ANXA10: variants seen among roughly 807,000 people sequenced by gnomAD.
The protein encoded by ANXA10 is annexin A10, also known as annexin 14.
In ANXA10, 49 loss-of-function variants were observed where a neutral mutation model predicts 53.5. The observed-to-expected ratio is 0.92, with a 90% CI of 0.73 to 1.16. The LOEUF (loss-of-function observed/expected upper bound fraction) is 1.16. ANXA10 is among the 50% of genes most tolerant of loss of function. The pLI is 0.00. For synonymous variants in ANXA10, 131 were observed against 128.9 expected, an observed-to-expected ratio of 1.02 and a Z score of -0.11; for missense variants, 393 against 394.4, an observed-to-expected ratio of 1.00 and a Z score of 0.03.
In ANXA10 at chr4:168,108,248, G is replaced by C. The variant is rs532175718; in HGVS notation, c.18+15530G>C. On this transcript the variant is annotated intron_variant, in intron 1 of 11. Coordinates refer to ENST00000359299, the MANE Select transcript of ANXA10 (RefSeq NM_007193.5). ...CCCCTTGTATTAGCAAGGTCTTTATGACCTATATCTTGTGCTGACCTCCTA... is the reference window on the plus strand; with the variant it reads ...CCCCTTGTATTAGCAAGGTCTTTATCACCTATATCTTGTGCTGACCTCCTA... Among the ~76,000 whole-genome samples the C allele has an allele frequency of 2.6e-5, 4 of 152,172 alleles. No homozygotes were observed. In the East Asian group the frequency reaches 7.8e-4, roughly 30 times the overall value.
At chr4:168,094,047 T>C (rs1294879303) in intron 1 of ANXA10, among the ~76,000 whole-genome samples, 1 of 152,168 alleles carries the variant, frequency 6.6e-6, no homozygotes, top group Non-Finnish European at 1.5e-5. Flanking sequence ...TTGTTTTCTC[T>C]CTCTGTTCAT....
intron 1 of ANXA10, among the ~76,000 whole-genome samples, chr4:168,107,098 T>C (rs1730731514): frequency 6.6e-6 from 1 of 152,134 alleles, no homozygotes. Context: ...ACGTATCCTG[T>C]AAAATTATCA....
At chr4:168,163,731 C>G (rs553521383) in intron 4 of ANXA10, among the ~76,000 whole-genome samples, 8 of 152,136 alleles carry the variant, frequency 5.3e-5, no homozygotes, top group South Asian at 4.1e-4. Context: ...AGCATCCATC[C>G]AAATATTTAT....
intron 1 of ANXA10, among the ~76,000 whole-genome samples, chr4:168,103,447 C>CTT (rs1213769996): frequency 6.6e-6 from 1 of 151,860 alleles, no homozygotes; most frequent in Non-Finnish European, 1.5e-5. Context: ...GTTTTCACTA[C>CTT]TTTGTCAAAA....
intron 1 of ANXA10, among the ~76,000 whole-genome samples, chr4:168,095,993 T>G (rs1730534683): frequency 6.6e-6 from 1 of 152,168 alleles, no homozygotes; most frequent in African/African-American, 2.4e-5. Context: ...GTGTCTACTA[T>G]GGGCAATGAG....
intron 6 of ANXA10, among the ~76,000 whole-genome samples, chr4:168,165,670 ATTTC>A (rs145800072): frequency 1.6e-4 from 25 of 152,026 alleles, no homozygotes; most frequent in African/African-American, 3.9e-4. Context: ...ATTAGAAATA[ATTTC>A]TTTCTTTCTT....
rs368787855 is a variant in ANXA10 at position 168,093,893 on chromosome 4, C to T, written c.18+1175C>T. ...GTTAGTTTAACAATCTTAATTTCAT[C>T]TTAAGATTTCAAGATCTCATTTTGC... On this transcript the variant is annotated intron_variant, in intron 1 of 11. Coordinates refer to ENST00000359299, the MANE Select transcript of ANXA10 (RefSeq NM_007193.5). Among the ~76,000 whole-genome samples the T allele has an allele frequency of 6.6e-5, 10 of 152,166 alleles. No homozygotes were observed. The East Asian group carries it at 9.7e-4, about 15-fold the overall frequency.
chr4:168,111,937 T>C (rs1250189177), intron 1 of ANXA10, among the ~76,000 whole-genome samples: 3 of 152,202 alleles, frequency 2.0e-5, no homozygotes, highest in Admixed American at 6.6e-5. Flanking sequence ...CTCCTTGACA[T>C]TTATCTTCAA....
At chr4:168,140,417 C>A (rs1048861302) in intron 3 of ANXA10, among the ~76,000 whole-genome samples, 6 of 152,162 alleles carry the variant, frequency 3.9e-5, no homozygotes, top group Non-Finnish European at 8.8e-5. Flanking sequence ...AATCCAAAAG[C>A]TACTATCAGT....
intron 3 of ANXA10, among the ~76,000 whole-genome samples, chr4:168,153,448 C>CAA (rs1731538010): frequency 7.8e-5 from 3 of 38,426 alleles, no homozygotes; most frequent in African/African-American, 2.8e-4. Flanking sequence ...AAAACAAAAA[C>CAA]AAAAACAAAA....
rs1449959429 is a variant in ANXA10, at chr4:168,112,566, A to G, written c.19-15518A>G. Among the ~76,000 whole-genome samples, 4 of 152,232 alleles carry G rather than the reference A, an allele frequency of 2.6e-5. No individual in the cohort carries two copies. In the South Asian group the frequency reaches 6.2e-4, roughly 24 times the overall value. On this transcript the variant is annotated intron_variant, in intron 1 of 11. Transcript: ENST00000359299. ...TTTTCATAACCAAATTTAATACATT[A>G]ATTATATATTAATTTTCTAATGACT...
At chr4:168,150,660 G>A (rs966343801) in intron 3 of ANXA10, among the ~76,000 whole-genome samples, 6 of 152,110 alleles carry the variant, frequency 3.9e-5, no homozygotes, top group African/African-American at 9.7e-5. Flanking sequence ...ACGCACATGC[G>A]CAGTTAAGCT....
chr4:168,176,892 C>T (rs1043421804), intron 6 of ANXA10, among the ~76,000 whole-genome samples: 2 of 151,910 alleles, frequency 1.3e-5, no homozygotes, highest in Non-Finnish European at 2.9e-5. Context: ...CCAAGCTACT[C>T]GGGAGGCTGA....
intron 3 of ANXA10, among the ~76,000 whole-genome samples, chr4:168,140,712 GGGT>G (rs1305229030): frequency 6.6e-6 from 1 of 151,862 alleles, no homozygotes; most frequent in African/African-American, 2.4e-5. Flanking sequence ...TCCGCCTCCT[GGGT>G]TCAAGTGATG....
intron 1 of ANXA10, among the ~76,000 whole-genome samples, chr4:168,125,539 C>A (rs186225446): frequency 6.6e-6 from 1 of 152,194 alleles, no homozygotes; most frequent in Non-Finnish European, 1.5e-5. Flanking sequence ...GATGTTGGAT[C>A]TGGAGGGATG....
At chr4:168,140,708 T>G (rs1731311948) in intron 3 of ANXA10, among the ~76,000 whole-genome samples, 1 of 152,054 alleles carries the variant, frequency 6.6e-6, no homozygotes, top group African/African-American at 2.4e-5. Flanking sequence ...AACCTCCGCC[T>G]CCTGGGTTCA....
intron 1 of ANXA10, among the ~76,000 whole-genome samples, chr4:168,095,681 T>C (rs752773378): frequency 6.6e-6 from 1 of 152,136 alleles, no homozygotes; most frequent in Non-Finnish European, 1.5e-5. Flanking sequence ...TTTTTGTGTT[T>C]GCAAACTTCT....
intron 3 of ANXA10, among the ~76,000 whole-genome samples, chr4:168,144,255 C>T (rs1336136284): frequency 1.3e-5 from 2 of 152,130 alleles, no homozygotes; most frequent in African/African-American, 4.8e-5. Flanking sequence ...GCCGCGCTCT[C>T]AGCTCACTGC....
At chr4:168,129,788 A>G (rs1010361871) in intron 2 of ANXA10, among the ~76,000 whole-genome samples, 1 of 152,206 alleles carries the variant, frequency 6.6e-6, no homozygotes, top group South Asian at 2.1e-4. Flanking sequence ...CTCATCATCT[A>G]TAAAAAGAAA....
Sources: allele counts gnomAD v4.1 joint callset (sites outside exome capture counted in the v4.1 genomes callset), GRCh38; gene constraint gnomAD v4.1.1; transcripts MANE v1.5; gene names NCBI Gene and HGNC (gene_info 2026-07-23, HGNC 2026-07-21).